Variants in MAST4 observed in about 807,000 individuals in gnomAD.
MAST4 encodes microtubule-associated serine/threonine-protein kinase 4.
MAST4 carries 89 observed loss-of-function variants against 162.7 expected under a neutral mutation model. The ratio of observed to expected loss-of-function variants is 0.55; its 90% CI spans 0.46 to 0.65. MAST4 has a LOEUF of 0.65. MAST4 is among the 30% of genes least tolerant of loss of function. MAST4 has a pLI of 0.00. For missense variants in MAST4, 3,153 were observed against 3,374.0 expected, an observed-to-expected ratio of 0.93 and a Z score of 1.62; for synonymous variants, 1,479 against 1,361.1, an observed-to-expected ratio of 1.09 and a Z score of -1.91.
At position 66,744,916 on chromosome 5, in the gene MAST4, C is replaced by T. The variant is rs573953916; in HGVS notation, c.364-14793C>T. Among the ~76,000 whole-genome samples the T allele has an allele frequency of 1.2e-4, 18 of 152,110 alleles. No homozygotes were observed. The South Asian group carries it at 2.3e-3, about 19-fold the overall frequency. ...CTTGTATAAAGTTTATTTTTGGCTT[C>T]GATGCATGTTATTGAACAGGTCAAC... On this transcript the variant is annotated intron_variant, in intron 1 of 28. Coordinates refer to ENST00000403625, the MANE Select transcript of MAST4 (RefSeq NM_001164664.2).
intron 4 of MAST4, among the ~76,000 whole-genome samples, chr5:67,036,721 G>A (rs914794774): frequency 2.0e-5 from 3 of 152,150 alleles, no homozygotes; most frequent in African/African-American, 7.2e-5. Flanking sequence ...TATGTGTTCA[G>A]TACAGATGCA....
rs192689734 is a variant in MAST4 at position 67,149,046 on chromosome 5, G to T, written c.3095-343G>T. On this transcript the variant is annotated intron_variant, in intron 23 of 28. Coordinates refer to ENST00000403625, the MANE Select transcript of MAST4 (RefSeq NM_001164664.2). ...TGGCACAGCCTTTCATGGTATGGGG[G>T]GGGTAGGGGCACCAGAATTATCTCT... Among the ~76,000 whole-genome samples the T allele has an allele frequency of 1.3e-4, 20 of 152,208 alleles. No homozygotes were observed. The South Asian group carries it at 2.9e-3, about 22-fold the overall frequency.
At chr5:66,830,991 T>G (rs536953159) in intron 3 of MAST4, among the ~76,000 whole-genome samples, 2 of 152,302 alleles carry the variant, frequency 1.3e-5, no homozygotes, top group Admixed American at 1.3e-4. Flanking sequence ...ACCCTCTTGG[T>G]GTCTGTGTAT....
chr5:66,754,909 C>T (rs1216924135), intron 1 of MAST4, among the ~76,000 whole-genome samples: 6 of 152,024 alleles, frequency 3.9e-5, no homozygotes, highest in Non-Finnish European at 8.8e-5. Context: ...TGGAATGTGT[C>T]GCAGGTAGAG....
chr5:66,900,231 G>T (rs1362564718), intron 4 of MAST4, among the ~76,000 whole-genome samples: 1 of 152,014 alleles, frequency 6.6e-6, no homozygotes, highest in African/African-American at 2.4e-5. Context: ...TTAAAATGCT[G>T]TTATATAATT....
intron 4 of MAST4, among the ~76,000 whole-genome samples, chr5:67,010,942 A>G (rs182372265): frequency 4.2e-4 from 64 of 152,308 alleles, no homozygotes; most frequent in African/African-American, 1.5e-3. Context: ...CAGCGCAGCT[A>G]TGATGGCCTT....
intron 4 of MAST4, among the ~76,000 whole-genome samples, chr5:67,049,063 A>ATATATACACG (rs1554087488): frequency 3.0e-5 from 3 of 98,574 alleles, no homozygotes; most frequent in African/African-American, 1.3e-4. Context: ...ATATATACGT[A>ATATATACACG]TATATATATA....
At chr5:66,605,048 A>G (rs7722737) in intron 1 of MAST4, among the ~76,000 whole-genome samples, 57,871 of 152,168 alleles carry the variant, frequency 0.38, 13,325 homozygotes, top group East Asian at 0.62. Flanking sequence ...AAAGTTCAAC[A>G]ACTAATTTCA....
At chr5:67,118,186 C>T (rs1356049231) in intron 12 of MAST4, among the ~76,000 whole-genome samples, 2 of 152,220 alleles carry the variant, frequency 1.3e-5, no homozygotes, top group East Asian at 3.8e-4. Context: ...ACCATTATTA[C>T]TTCCTCTCTG....
At chr5:66,728,688 G>GAGGTA (rs1385131637) in intron 1 of MAST4, among the ~76,000 whole-genome samples, 1 of 152,154 alleles carries the variant, frequency 6.6e-6, no homozygotes, top group Non-Finnish European at 1.5e-5. Context: ...ACAAACAAAG[G>GAGGTA]ACACCTTCAC....
At position 67,160,588 on chromosome 5, in the gene MAST4, G is replaced by A. The variant is rs765388394; in HGVS notation, c.3781G>A (p.Glu1261Lys). ...SKKSKKKESL[E>K]RRRSLFKKLA... ...GAAATCCAAGAAGAAAGAAAGTCTC[G>A]AAAGGTTAGTAAAATCAGTATTCTT... Residue 1261 changes from glutamate to lysine, a missense_variant, in exon 27 of 29, where the codon GAA becomes AAA. By Grantham distance (56) the Glu-to-Lys change is moderately conservative. Coordinates refer to ENST00000403625, the MANE Select transcript of MAST4 (RefSeq NM_001164664.2). 7.4e-6 allele frequency: 12 copies of A among 1,613,300 alleles called. No homozygotes were observed. The highest frequency in any genetic ancestry group is 2.2e-5 in the South Asian group (2 of 90,894).
At chr5:67,156,848 A>G (rs1192327043) in intron 26 of MAST4, among the ~76,000 whole-genome samples, 6 of 152,238 alleles carry the variant, frequency 3.9e-5, no homozygotes, top group Non-Finnish European at 7.3e-5. Flanking sequence ...CCCAGGGCCA[A>G]ACTGATAAGT....
intron 1 of MAST4, among the ~76,000 whole-genome samples, chr5:66,673,244 A>G (rs1302168421): frequency 6.6e-6 from 1 of 152,124 alleles, no homozygotes; most frequent in East Asian, 1.9e-4. Context: ...TCAGCTGCTT[A>G]TAAATTAACT....
chr5:66,993,926 CCCCCCA>C (rs1237650896), intron 4 of MAST4, among the ~76,000 whole-genome samples: 5 of 78,320 alleles, frequency 6.4e-5, no homozygotes, highest in African/African-American at 2.4e-4. Context: ...GAAGACCCCC[CCCCCCA>C]CCCCACCAAA....
intron 4 of MAST4, among the ~76,000 whole-genome samples, chr5:66,953,550 G>T (rs1326084623): frequency 3.3e-5 from 5 of 152,032 alleles, no homozygotes; most frequent in Non-Finnish European, 7.4e-5. Flanking sequence ...ACAGTCTGAG[G>T]CTCTGTCTAT....
intron 5 of MAST4, among the ~76,000 whole-genome samples, chr5:67,061,312 T>C (rs944523279): frequency 1.3e-5 from 2 of 152,238 alleles, no homozygotes; most frequent in Non-Finnish European, 2.9e-5. Flanking sequence ...ACATGTTTTA[T>C]TTCTATGGGA....
At position 66,899,975 on chromosome 5, in the gene MAST4, G is replaced by T; in HGVS notation, c.667G>T (p.Gly223Ter). The T allele has an allele frequency of 6.6e-7, 1 of 1,516,040 alleles. No individual in the cohort carries two copies. The highest frequency in any genetic ancestry group is 8.8e-7 in the Non-Finnish European group (1 of 1,133,124). 93.9% of individuals were successfully genotyped at this position (1,516,040 alleles called of 1,614,324 possible). A position where few individuals can be genotyped will look rare whatever the true frequency, so the allele number is the denominator to read the frequency against. The change falls in exon 4 of 29, where the codon GGA (glycine) becomes TGA (stop). Residue 223 changes from glycine to a stop codon, truncating the protein, a stop_gained. Coordinates refer to ENST00000403625, the MANE Select transcript of MAST4 (RefSeq NM_001164664.2). LOFTEE classifies it high-confidence loss of function. Reference protein sequence around the residue: ...SLKELSLPRRGSFCRTSNRKS... With the variant: ...SLKELSLPRR ...GAAGGAGCTGAGTCTCCCCAGAAGA[G>T]GAAGTTTGTAAGTAGTAGTATTTTG...
intron 3 of MAST4, among the ~76,000 whole-genome samples, chr5:66,845,292 C>CGGTGTGT (rs1758767879): frequency 6.6e-6 from 1 of 151,290 alleles, no homozygotes; most frequent in Non-Finnish European, 1.5e-5. Flanking sequence ...CAACAGGCCC[C>CGGTGTGT]GGTGTGTGAT....
At chr5:67,051,221 G>A (rs1758142147) in intron 4 of MAST4, among the ~76,000 whole-genome samples, 1 of 149,134 alleles carries the variant, frequency 6.7e-6, no homozygotes, top group African/African-American at 2.5e-5. Context: ...ACTTAGTTGT[G>A]CTGGTGAAAA....
Sources: gnomAD v4.1 joint callset for allele counts (sites outside exome capture counted in the v4.1 genomes callset) on GRCh38, gnomAD v4.1.1 for gene constraint, MANE v1.5 for transcripts, NCBI Gene and HGNC (gene_info 2026-07-23, HGNC 2026-07-21) for gene names.